The following RASSF5 variants were observed in gnomAD, a reference collection of about 807,000 sequenced individuals.
RASSF5 encodes Ras association domain family member 5.
In RASSF5, 25 loss-of-function variants were observed where a neutral mutation model predicts 40.5. The ratio of observed to expected loss-of-function variants is 0.62; its 90% CI spans 0.45 to 0.86. RASSF5 has a LOEUF of 0.86. RASSF5 is among the 40% of genes least tolerant of loss of function. The pLI, the probability that RASSF5 is intolerant of heterozygous loss-of-function variation, is 0.00. For synonymous variants in RASSF5, 246 were observed against 252.4 expected, an observed-to-expected ratio of 0.97 and a Z score of 0.24; for missense variants, 521 against 572.8, an observed-to-expected ratio of 0.91 and a Z score of 0.92.
chr1:206,550,425 G>T (rs1361724904), intron 2 of RASSF5, among the ~76,000 whole-genome samples: 2 of 152,168 alleles, frequency 1.3e-5, no homozygotes, highest in Non-Finnish European at 2.9e-5. Flanking sequence ...TCCTCATAAT[G>T]CACTGGGCCT....
At chr1:206,559,880 T>G (rs1668088212) in intron 2 of RASSF5, among the ~76,000 whole-genome samples, 1 of 152,160 alleles carries the variant, frequency 6.6e-6, no homozygotes. Context: ...AGGGGTGGAC[T>G]GAGGAGGGTG....
chr1:206,530,311 G>A (rs782191476), intron 1 of RASSF5, among the ~76,000 whole-genome samples: 5 of 151,934 alleles, frequency 3.3e-5, no homozygotes, highest in Non-Finnish European at 5.9e-5. Context: ...TGTATGTTGT[G>A]GACATATTTT....
intron 1 of RASSF5, chr1:206,529,165 T>G (rs1667170917): frequency 8.0e-6 from 12 of 1,506,300 alleles, no homozygotes; most frequent in African/African-American, 1.4e-5. Context: ...ACCCAGGCCC[T>G]GGACCGCCAA....
intron 2 of RASSF5, among the ~76,000 whole-genome samples, 155 bp downstream of exon 2, chr1:206,538,448 G>A (rs1667471765): frequency 6.6e-6 from 1 of 152,194 alleles, no homozygotes; most frequent in Admixed American, 6.5e-5. Context: ...TGTTCCAAGG[G>A]GACTAGGGGA....
In RASSF5 at chr1:206,582,145, C is replaced by T. The variant is rs552840396; in HGVS notation, c.580-1124C>T. On this transcript the variant is annotated intron_variant, in intron 2 of 5. Transcript: ENST00000579436. ...CTCAGGGACAGTGTGAAGATAAAAC[C>T]GGGAGGTGGGTAACAGTGAACTTGA... Among the ~76,000 whole-genome samples, 127 of 152,222 alleles carry T rather than the reference C, an allele frequency of 8.3e-4. No individual in the cohort carries two copies. In the Middle Eastern group the frequency reaches 0.01, roughly 12 times the overall value.
intron 1 of RASSF5, among the ~76,000 whole-genome samples, chr1:206,526,215 T>G (rs2103513157): frequency 6.6e-6 from 1 of 152,024 alleles, no homozygotes; most frequent in Admixed American, 6.6e-5. Context: ...TGCAGGACAC[T>G]CGTCTTACCA....
At chr1:206,524,215 T>C (rs1352704518) in intron 1 of RASSF5, among the ~76,000 whole-genome samples, 1 of 138,260 alleles carries the variant, frequency 7.2e-6, no homozygotes, top group Non-Finnish European at 1.5e-5. Context: ...ATATACTTTA[T>C]ATATAATATA....
intron 1 of RASSF5, among the ~76,000 whole-genome samples, chr1:206,512,203 ATCT>A (rs1474247086): frequency 1.3e-5 from 2 of 151,986 alleles, no homozygotes; most frequent in African/African-American, 2.4e-5. Context: ...TCTAACTGGG[ATCT>A]TCTTCTTGGG....
At chr1:206,515,252 A>C (rs1047258158) in intron 1 of RASSF5, among the ~76,000 whole-genome samples, 3 of 152,242 alleles carry the variant, frequency 2.0e-5, no homozygotes, top group Non-Finnish European at 4.4e-5. Context: ...TGGGTAATTG[A>C]GAGTTGGCTC....
At chr1:206,550,460 T>C (rs1348423436) in intron 2 of RASSF5, among the ~76,000 whole-genome samples, 1 of 152,208 alleles carries the variant, frequency 6.6e-6, no homozygotes, top group African/African-American at 2.4e-5. Flanking sequence ...GCTGAAGAAG[T>C]CCTTCATTTT....
intron 2 of RASSF5, among the ~76,000 whole-genome samples, chr1:206,549,774 C>G (rs1195062659): frequency 6.6e-6 from 1 of 152,206 alleles, no homozygotes; most frequent in Non-Finnish European, 1.5e-5. Flanking sequence ...TCTCTGTGTA[C>G]TCTACTCAGT....
chr1:206,583,936 G>A (rs1668995018), intron 3 of RASSF5, among the ~76,000 whole-genome samples: 2 of 152,178 alleles, frequency 1.3e-5, no homozygotes, highest in Non-Finnish European at 2.9e-5. Context: ...AATGCACCTA[G>A]GTTTAAGTCT....
chr1:206,563,904 G>A (rs1668217097), intron 2 of RASSF5, among the ~76,000 whole-genome samples: 1 of 152,188 alleles, frequency 6.6e-6, no homozygotes, highest in Non-Finnish European at 1.5e-5. Flanking sequence ...TTCTCTGCTA[G>A]TCTCATCACC....
intron 1 of RASSF5, among the ~76,000 whole-genome samples, chr1:206,514,889 T>C (rs1553395192): frequency 1.3e-5 from 2 of 152,186 alleles, no homozygotes; most frequent in Non-Finnish European, 2.9e-5. Context: ...GAAATAACTT[T>C]TGTTGCACTT....
intron 2 of RASSF5, among the ~76,000 whole-genome samples, chr1:206,566,270 A>G (rs1409797417): frequency 2.0e-5 from 3 of 152,154 alleles, no homozygotes; most frequent in Admixed American, 1.3e-4. Context: ...AAGGCTCCAA[A>G]TAAGCTCCAG....
chr1:206,587,286 A>C lies in RASSF5; in HGVS notation c.*308A>C. The stretch of plus-strand genomic sequence containing the variant: ...AAATAGTTGCCTCTCTCGTCACCAA[A>C]CTGGAACCTCACACCAGCCGGCAAA... On this transcript the variant is annotated 3_prime_UTR_variant, in exon 6 of 6. Coordinates refer to ENST00000579436, the MANE Select transcript of RASSF5 (RefSeq NM_182663.4). The C allele has an allele frequency of 2.7e-6, 1 of 365,352 alleles. No individual in the cohort carries two copies. Among genetic ancestry groups the C allele is most frequent in the South Asian group, 2.3e-5 (1 of 43,672 alleles). 22.6% of individuals were successfully genotyped at this position (365,352 alleles called of 1,614,324 possible). A position where few individuals can be genotyped will look rare whatever the true frequency, so the allele number is the denominator to read the frequency against.
At chr1:206,585,483 CT>C (rs1176209049) in intron 5 of RASSF5, 188 bp downstream of exon 5, 2 of 541,332 alleles carry the variant, frequency 3.7e-6, no homozygotes, top group Non-Finnish European at 6.7e-6. Context: ...TCTGAACACC[CT>C]GGGGTAGCAC....
intron 2 of RASSF5, among the ~76,000 whole-genome samples, chr1:206,539,338 G>T (rs571606793): frequency 1.1e-4 from 17 of 152,242 alleles, no homozygotes; most frequent in Admixed American, 3.3e-4. Context: ...ATCTCAAGGT[G>T]CTCTGAGAAA....
chr1:206,584,762 C>A lies in RASSF5; in HGVS notation c.988+78C>A. 1 of 1,504,292 alleles carries A rather than the reference C, an allele frequency of 6.6e-7. No individual in the cohort carries two copies. Among genetic ancestry groups the A allele is most frequent in the East Asian group, 2.3e-5 (1 of 42,724 alleles). The allele number at this position is 1,504,292 out of a possible 1,614,324, so 93.2% of individuals were successfully genotyped here. A position where few individuals can be genotyped will look rare whatever the true frequency, so the allele number is the denominator to read the frequency against. ...GCCCACCCACTAAAACTCCTGCCGGCCTTGGGTGGGAGCTGTGGGCTTCTC... is the reference window on the plus strand; with the variant it reads ...GCCCACCCACTAAAACTCCTGCCGGACTTGGGTGGGAGCTGTGGGCTTCTC... On this transcript the variant is annotated intron_variant, in intron 4 of 5. Transcript: ENST00000579436. The surrounding 1 kb of genome is among the most constrained non-coding windows in gnomAD (Gnocchi z 4.9).
Sources: gnomAD v4.1 joint callset for allele counts (sites outside exome capture counted in the v4.1 genomes callset) on GRCh38, gnomAD v4.1.1 for gene constraint, Gnocchi (gnomAD v3.1) non-coding constraint, MANE v1.5 for transcripts, NCBI Gene and HGNC (gene_info 2026-07-23, HGNC 2026-07-21) for gene names.